Variants in KANK2 observed in about 807,000 individuals in gnomAD.
The protein encoded by KANK2 is KN motif and ankyrin repeat domain-containing protein 2.
A neutral mutation model predicts 74.6 loss-of-function variants in KANK2; 41 were observed. That is an observed-to-expected ratio of 0.55 (90% confidence interval 0.43 to 0.71). The LOEUF is 0.71. Among genes scored for constraint, KANK2 ranks in the 30% least tolerant of loss-of-function variants. KANK2 has a pLI of 0.00. For synonymous variants in KANK2, 537 were observed against 519.0 expected (o/e 1.03, Z -0.47); for missense variants, 1,148 against 1,196.4 (o/e 0.96, Z 0.60).
At chr19:11,186,356 C>G (rs1157138762) in intron 4 of KANK2, among the ~76,000 whole-genome samples, 4 of 151,828 alleles carry the variant, frequency 2.6e-5, no homozygotes, top group Admixed American at 1.3e-4. Context: ...CCACCGCACT[C>G]CAGCCTGAGA....
Position 11,174,464 on chromosome 19 carries a change from T to C in KANK2, c.2068+9A>G. ...TTTAGAGCCGCCTCGTCCTCCCCGC[T>C]GGGCTCACCGCTGTCGAGCAGCTGC... is the stretch of plus-strand genomic sequence containing the variant. On this transcript the variant is annotated intron_variant, in intron 9 of 12. Coordinates refer to ENST00000586659, the MANE Select transcript of KANK2 (RefSeq NM_001136191.3). 1 of 1,599,072 alleles carries C rather than the reference T, an allele frequency of 6.3e-7. No homozygotes were observed. The highest frequency in any genetic ancestry group is 8.5e-7 in the Non-Finnish European group (1 of 1,173,052).
At chr19:11,190,736 C>CATTATTATTATTATT (rs199986629) in intron 4 of KANK2, among the ~76,000 whole-genome samples, 8 of 151,910 alleles carry the variant, frequency 5.3e-5, no homozygotes, top group Non-Finnish European at 7.4e-5. Context: ...GAACAGCTGT[C>CATTATTATTATTATT]ATTATTATTG....
At chr19:11,169,399 T>G (rs780249214) in intron 12 of KANK2, among the ~76,000 whole-genome samples, 2 of 152,238 alleles carry the variant, frequency 1.3e-5, no homozygotes, top group Middle Eastern at 3.4e-3. Flanking sequence ...TCCCAACTAC[T>G]CAGGAGGCTG....
At position 11,173,011 on chromosome 19, in the gene KANK2, C is replaced by A; in HGVS notation, c.2181G>T (p.Arg727=). ...DDIETVLQLF[R]LGNINAKASQ... The stretch of plus-strand genomic sequence containing the variant: ...TGGCTTTGGCATTGATGTTGCCAAG[C>A]CGGAAGAGCTGAAGGACAGTCTCGA... Residue 727 remains arginine, a synonymous_variant, in exon 10 of 13, where the codon CGG becomes CGT. Transcript: ENST00000586659. 6 of 1,613,900 alleles carry A rather than the reference C, an allele frequency of 3.7e-6. No individual in the cohort carries two copies. The highest frequency in any genetic ancestry group is 1.7e-4 in the Middle Eastern group (1 of 6,060).
At chr19:11,185,795 G>A (rs1452544098) in intron 4 of KANK2, among the ~76,000 whole-genome samples, 1 of 132,926 alleles carries the variant, frequency 7.5e-6, no homozygotes, top group Admixed American at 7.9e-5. Flanking sequence ...ATAATCCCAG[G>A]GCTTTGGGAG....
chr19:11,172,918 T>A lies in KANK2; in HGVS notation c.2211+63A>T. The A allele has an allele frequency of 2.6e-6, 4 of 1,566,152 alleles. No individual in the cohort carries two copies. In the South Asian group the frequency reaches 4.8e-5, roughly 19 times the overall value. On this transcript the variant is annotated intron_variant, in intron 10 of 12. Coordinates refer to ENST00000586659, the MANE Select transcript of KANK2 (RefSeq NM_001136191.3). ...GACCACCTGGGTTTGGGCCTGTCACTCAGCTGGGATGTCATAAAGTAGGAA... is the reference window on the plus strand; with the variant it reads ...GACCACCTGGGTTTGGGCCTGTCACACAGCTGGGATGTCATAAAGTAGGAA...
rs1291870879 is a variant in KANK2, at chr19:11,175,896, T to G, written c.1848+6A>C. The stretch of plus-strand genomic sequence containing the variant: ...TGGCCAACCTAGGCCCAGGGCCAGA[T>G]CGTACCAGCTCCCGCTCTGTGAGGG... On this transcript the variant is annotated splice_donor_region_variant and intron_variant, in intron 8 of 12. Coordinates refer to ENST00000586659, the MANE Select transcript of KANK2 (RefSeq NM_001136191.3). 6.2e-7 allele frequency: 1 copy of G among 1,612,394 alleles called. No individual in the cohort carries two copies. The highest frequency in any genetic ancestry group is 1.7e-5 in the Admixed American group (1 of 59,944).
At position 11,170,240 on chromosome 19, in the gene KANK2, C is replaced by G; in HGVS notation, c.2220G>C (p.Gln740His). The G allele has an allele frequency of 6.2e-7, 1 of 1,609,486 alleles. No homozygotes were observed. Among genetic ancestry groups the G allele is most frequent in the Non-Finnish European group, 8.5e-7 (1 of 1,179,982 alleles). The change falls in exon 11 of 13, where the codon CAG becomes CAC. Residue 740 changes from glutamine to histidine, a missense_variant. Coordinates refer to ENST00000586659, the MANE Select transcript of KANK2 (RefSeq NM_001136191.3). The surrounding 1 kb of genome is among the most constrained non-coding windows in gnomAD (Gnocchi z 5.2). ...NINAKASQAG[Q>H]TALMLAVSHG... is the part of the protein sequence containing the mutation. Reference sequence around the variant, plus strand: ...GGCTGACGGCCAGCATCAGGGCCGTCTGTCCTGCCTGGGGAGGGCAAGGAA... The same window carrying G: ...GGCTGACGGCCAGCATCAGGGCCGTGTGTCCTGCCTGGGGAGGGCAAGGAA...
At chr19:11,172,943 A>G in intron 10 of KANK2, 38 bp downstream of exon 10, 1 of 1,601,244 alleles carries the variant, frequency 6.2e-7, no homozygotes, top group Non-Finnish European at 8.5e-7. Context: ...TAAAGTAGGA[A>G]GAGCCACCTG....
At position 11,170,242 on chromosome 19, in the gene KANK2, G is replaced by A. The variant is rs2078137418; in HGVS notation, c.2218C>T (p.Gln740Ter). The A allele has an allele frequency of 6.2e-7, 1 of 1,609,408 alleles. No homozygotes were observed. The highest frequency in any genetic ancestry group is 8.5e-7 in the Non-Finnish European group (1 of 1,179,990). Residue 740 changes from glutamine to a stop codon, truncating the protein, a stop_gained, in exon 11 of 13, where the codon CAG becomes TAG. Coordinates refer to ENST00000586659, the MANE Select transcript of KANK2 (RefSeq NM_001136191.3). LOFTEE classifies it high-confidence loss of function. This position sits in a 1 kb window ranked among gnomAD's most constrained non-coding sequence, Gnocchi z 5.2. Reference sequence around the variant, plus strand: ...CTGACGGCCAGCATCAGGGCCGTCTGTCCTGCCTGGGGAGGGCAAGGAACA... The same window carrying A: ...CTGACGGCCAGCATCAGGGCCGTCTATCCTGCCTGGGGAGGGCAAGGAACA... Reference protein sequence around the residue: ...NINAKASQAGQTALMLAVSHG... With the variant: ...NINAKASQAG
In KANK2 at chr19:11,174,542, C is replaced by A; in HGVS notation, c.1999G>T (p.Gly667Cys). The change falls in exon 9 of 13, where the codon GGC becomes TGC. Residue 667 changes from glycine to cysteine, a missense_variant. Physicochemically the swap from Gly to Cys is radical, Grantham distance 159. Coordinates refer to ENST00000586659, the MANE Select transcript of KANK2 (RefSeq NM_001136191.3). ...ACGGAGTAGTGCAGGGCTGTGTTGC[C>A]GTTGCTGTCGGCGATGTTGACCACG... The part of the protein sequence containing the change: ...DYVVNIADSN[G>C]NTALHYSVSH... 2 of 1,613,666 alleles carry A rather than the reference C, an allele frequency of 1.2e-6. No individual in the cohort carries two copies. Among genetic ancestry groups the A allele is most frequent in the Non-Finnish European group, 1.7e-6 (2 of 1,179,864 alleles).
intron 7 of KANK2, 149 bp from the exon 8 acceptor site, chr19:11,176,138 T>C (rs1485527039): frequency 1.7e-6 from 1 of 599,198 alleles, no homozygotes; most frequent in African/African-American, 1.9e-5. Context: ...ACATTTACAT[T>C]GCACCCCAAG....
chr19:11,190,146 C>T (rs1314715406), intron 4 of KANK2, among the ~76,000 whole-genome samples: 1 of 151,442 alleles, frequency 6.6e-6, no homozygotes, highest in African/African-American at 2.4e-5. Flanking sequence ...CTTTTCTTTT[C>T]TTTTTTTTGA....
At chr19:11,175,410 A>G (rs1364984762) in intron 8 of KANK2, among the ~76,000 whole-genome samples, 1 of 137,656 alleles carries the variant, frequency 7.3e-6, no homozygotes, top group Non-Finnish European at 1.5e-5. Flanking sequence ...CCTGGGTGAC[A>G]GAGCAAGACT....
intron 4 of KANK2, among the ~76,000 whole-genome samples, chr19:11,179,680 CG>C (rs1568646782): frequency 6.6e-6 from 1 of 151,536 alleles, no homozygotes; most frequent in Non-Finnish European, 1.5e-5. Context: ...ACTAAAAAAA[CG>C]AAACGAAACA....
At chr19:11,185,577 G>A (rs1292288177) in intron 4 of KANK2, among the ~76,000 whole-genome samples, 1 of 149,834 alleles carries the variant, frequency 6.7e-6, no homozygotes, top group East Asian at 1.9e-4. Context: ...GCTGTATCTG[G>A]CCCACAGGCC....
At chr19:11,185,098 A>T (rs2078639159) in intron 4 of KANK2, among the ~76,000 whole-genome samples, 1 of 149,238 alleles carries the variant, frequency 6.7e-6, no homozygotes, top group African/African-American at 2.5e-5. Context: ...CCCAGGCTGG[A>T]GTCCAATCAT....
Position 11,194,575 on chromosome 19 carries a change from A to G in KANK2, c.-64T>C. 7.5e-7 allele frequency: 1 copy of G among 1,333,424 alleles called. No individual in the cohort carries two copies. Among genetic ancestry groups the G allele is most frequent in the Non-Finnish European group, 1.1e-6 (1 of 926,764 alleles). 82.6% of individuals were successfully genotyped at this position (1,333,424 alleles called of 1,614,324 possible). On this transcript the variant is annotated 5_prime_UTR_variant, in exon 3 of 13. Coordinates refer to ENST00000586659, the MANE Select transcript of KANK2 (RefSeq NM_001136191.3). ...GACTGCGAGTCAGACTGCCTGCAGC[A>G]CCGGCTGAGGCTTACCTGGGGAAAG...
At chr19:11,185,783 T>C (rs1240998152) in intron 4 of KANK2, among the ~76,000 whole-genome samples, 2 of 151,928 alleles carry the variant, frequency 1.3e-5, no homozygotes, top group African/African-American at 4.8e-5. Context: ...AGGCTCGCAT[T>C]TATAATCCCA....
Sources: gnomAD v4.1 joint callset for allele counts (sites outside exome capture counted in the v4.1 genomes callset) on GRCh38, gnomAD v4.1.1 for gene constraint, Gnocchi (gnomAD v3.1) non-coding constraint, MANE v1.5 for transcripts, NCBI Gene and HGNC (gene_info 2026-07-23, HGNC 2026-07-21) for gene names.